Variants in SH3BGRL observed in about 807,000 individuals in gnomAD.
SH3BGRL encodes adapter SH3BGRL.
In SH3BGRL, 7 loss-of-function variants were observed where a neutral mutation model predicts 9.8. The ratio of observed to expected loss-of-function variants is 0.72; its 90% CI spans 0.41 to 1.35. SH3BGRL has a LOEUF of 1.35. Ranked by LOEUF, SH3BGRL falls within the 40% of genes most tolerant of loss-of-function variation. The pLI is 0.01. For synonymous variants in SH3BGRL, 36 were observed against 29.1 expected, an observed-to-expected ratio of 1.24 and a Z score of -0.76; for missense variants, 73 against 84.4, an observed-to-expected ratio of 0.86 and a Z score of 0.53.
At chrX:81,228,017 G>A (rs185091092) in intron 1 of SH3BGRL, among the ~76,000 whole-genome samples, 2 of 112,363 alleles carry the variant, frequency 1.8e-5, no homozygotes, top group East Asian at 5.6e-4. Flanking sequence ...ATGTAAGTAT[G>A]TATAGTCCTT....
chrX:81,278,433 G>A (rs879240167), intron 3 of SH3BGRL, 22 bp downstream of exon 3: 3 of 982,996 alleles, frequency 3.1e-6, no homozygotes, highest in South Asian at 4.3e-5. Flanking sequence ...TTTTTTTCCT[G>A]TTTTATAGGT....
intron 1 of SH3BGRL, among the ~76,000 whole-genome samples, chrX:81,261,170 G>A (rs1036233593): frequency 1.8e-5 from 2 of 111,322 alleles, no homozygotes; most frequent in Non-Finnish European, 3.8e-5. Context: ...TTTAGAGTTA[G>A]GGATATCTAA....
chrX:81,265,552 T>A (rs766218060), intron 1 of SH3BGRL, among the ~76,000 whole-genome samples: 3 of 111,943 alleles, frequency 2.7e-5, no homozygotes, highest in African/African-American at 9.7e-5. Context: ...TCCTTTTTTA[T>A]GGCTGCACAG....
intron 3 of SH3BGRL, among the ~76,000 whole-genome samples, chrX:81,287,670 G>A (rs749194830): frequency 1.1e-3 from 119 of 110,631 alleles, no homozygotes; most frequent in Non-Finnish European, 2.0e-3. Context: ...GGGAGTAGGG[G>A]AGGGACAAGA....
rs756786604 is a variant in SH3BGRL, at chrX:81,228,068, T to A, written c.45+25823T>A. 2.4e-3 allele frequency among the ~76,000 whole-genome samples: 274 copies of A among 112,010 alleles called. 1 individual carries two copies. The highest frequency in any genetic ancestry group is 8.4e-3 in the African/African-American group (260 of 30,824). ...ATATGAATGGGTTTAAATAGAAAAA[T>A]GTTCCATGTAAGGAGCCATAGTATT... On this transcript the variant is annotated intron_variant, in intron 1 of 3. Transcript: ENST00000373212.
chrX:81,238,455 A>C (rs924912074), intron 1 of SH3BGRL, among the ~76,000 whole-genome samples: 1 of 112,262 alleles, frequency 8.9e-6, no homozygotes, highest in African/African-American at 3.2e-5. Flanking sequence ...CTTGTGGCTT[A>C]AGTGCCAGTG....
intron 3 of SH3BGRL, among the ~76,000 whole-genome samples, chrX:81,279,582 G>T (rs1325779848): frequency 9.0e-6 from 1 of 111,229 alleles, no homozygotes; most frequent in East Asian, 2.9e-4. Context: ...GAAACTGAAG[G>T]TCTGTTTGCG....
chrX:81,218,444 A>C (rs1450062585), intron 1 of SH3BGRL, among the ~76,000 whole-genome samples: 1 of 109,663 alleles, frequency 9.1e-6, no homozygotes, highest in Non-Finnish European at 1.9e-5. Context: ...GGTAGTGGGG[A>C]ATTGTCTCCA....
At chrX:81,206,608 C>T (rs1363671422) in intron 1 of SH3BGRL, among the ~76,000 whole-genome samples, 5 of 110,002 alleles carry the variant, frequency 4.5e-5, no homozygotes, top group Non-Finnish European at 5.7e-5. Flanking sequence ...AATTTGAACA[C>T]GAGTAAGAGG....
intron 1 of SH3BGRL, among the ~76,000 whole-genome samples, chrX:81,254,094 C>G: frequency 8.9e-6 from 1 of 111,969 alleles, no homozygotes; most frequent in East Asian, 2.8e-4. Context: ...CAGACTCCAC[C>G]ATTCTTGACA....
At chrX:81,223,482 A>G (rs1345870986) in intron 1 of SH3BGRL, among the ~76,000 whole-genome samples, 1 of 111,160 alleles carries the variant, frequency 9.0e-6, no homozygotes, top group African/African-American at 3.3e-5. Context: ...TGTAGAGAAC[A>G]AGGCCTTAAT....
rs16979418 is a variant in SH3BGRL at position 81,278,878 on chromosome X, A to G, written c.312+467A>G. ...AACTGGTCACTAAATTGCTCGCCAAATTTGAGGCTTTTTTCCTGCCAACAC... is the reference window on the plus strand; with the variant it reads ...AACTGGTCACTAAATTGCTCGCCAAGTTTGAGGCTTTTTTCCTGCCAACAC... On this transcript the variant is annotated intron_variant, in intron 3 of 3. Coordinates refer to ENST00000373212, the MANE Select transcript of SH3BGRL (RefSeq NM_003022.3). Among the ~76,000 whole-genome samples the G allele has an allele frequency of 9.4e-3, 1,056 of 112,158 alleles. 12 individuals carry two copies. Among genetic ancestry groups the G allele is most frequent in the African/African-American group, 0.032 (984 of 30,902 alleles).
intron 1 of SH3BGRL, among the ~76,000 whole-genome samples, chrX:81,221,503 A>C (rs1354558386): frequency 8.9e-6 from 1 of 111,792 alleles, no homozygotes. Context: ...TCAGATTACT[A>C]TATAAGTAAA....
At chrX:81,267,169 T>C (rs1010492615) in intron 1 of SH3BGRL, among the ~76,000 whole-genome samples, 2 of 111,953 alleles carry the variant, frequency 1.8e-5, no homozygotes, top group African/African-American at 6.5e-5. Flanking sequence ...CAATTTGACT[T>C]CCTCTTTTCC....
intron 1 of SH3BGRL, among the ~76,000 whole-genome samples, chrX:81,203,230 A>G (rs2075535276): frequency 2.7e-5 from 3 of 112,032 alleles, no homozygotes; most frequent in Non-Finnish European, 1.9e-5. Context: ...TGTAGGGTAT[A>G]GGAACCCCTT....
chrX:81,258,061 C>T (rs752397632), intron 1 of SH3BGRL, among the ~76,000 whole-genome samples: 3 of 111,213 alleles, frequency 2.7e-5, no homozygotes, highest in African/African-American at 9.8e-5. Context: ...TGTTTGACTT[C>T]CTGTTAGTCT....
chrX:81,291,154 C>A (rs1410007689), intron 3 of SH3BGRL, among the ~76,000 whole-genome samples: 3 of 111,565 alleles, frequency 2.7e-5, no homozygotes, highest in African/African-American at 9.8e-5. Flanking sequence ...GGGACTTTTC[C>A]TTTTTTGACT....
chrX:81,277,498 C>G (rs1444103934), intron 2 of SH3BGRL, among the ~76,000 whole-genome samples: 1 of 112,390 alleles, frequency 8.9e-6, no homozygotes, highest in Non-Finnish European at 1.9e-5. Context: ...AACCTCTTAG[C>G]AGTTTGGTTG....
intron 1 of SH3BGRL, among the ~76,000 whole-genome samples, chrX:81,225,748 A>G (rs921259541): frequency 9.0e-6 from 1 of 111,629 alleles, no homozygotes; most frequent in Admixed American, 9.5e-5. Flanking sequence ...GACTAAGGAA[A>G]CACAATGATC....
Sources: allele counts gnomAD v4.1 joint callset (sites outside exome capture counted in the v4.1 genomes callset), GRCh38; gene constraint gnomAD v4.1.1; transcripts MANE v1.5; gene names NCBI Gene and HGNC (gene_info 2026-07-23, HGNC 2026-07-21).